SHISA9: variants seen among roughly 807,000 people sequenced by gnomAD.
SHISA9 encodes the protein shisa family member 9.
Under a neutral mutation model 38.0 loss-of-function variants are expected in SHISA9, and 13 were observed. The observed-to-expected ratio is 0.34, with a 90% CI of 0.22 to 0.54. The LOEUF (loss-of-function observed/expected upper bound fraction) is 0.54. SHISA9 is among the 20% of genes least tolerant of loss of function. The pLI is 0.91. For missense variants in SHISA9, 538 were observed against 575.8 expected (o/e 0.93, Z 0.67); for synonymous variants, 275 against 242.0 (o/e 1.14, Z -1.27).
At chr16:13,366,273 C>G in the SHISA9 span, among the ~76,000 whole-genome samples, 1 of 152,208 alleles carries the variant, frequency 6.6e-6, no homozygotes, top group African/African-American at 2.4e-5. Flanking sequence ...TTGGTCTACT[C>G]ATTTTCTTGT....
chr16:13,245,158 C>G (rs146955402), downstream of SHISA9, among the ~76,000 whole-genome samples: 781 of 152,336 alleles, frequency 5.1e-3, 4 homozygotes, highest in Non-Finnish European at 7.8e-3. Context: ...CTCAAGCAAT[C>G]TGCCCACCTC....
intron 2 of SHISA9, among the ~76,000 whole-genome samples, chr16:13,171,204 G>C (rs901817492): frequency 6.6e-6 from 1 of 152,110 alleles, no homozygotes; most frequent in Non-Finnish European, 1.5e-5. Context: ...AACTCATTAA[G>C]GTGGTGGAGA....
At chr16:13,423,933 C>T in the SHISA9 span, among the ~76,000 whole-genome samples, 1 of 152,222 alleles carries the variant, frequency 6.6e-6, no homozygotes, top group Non-Finnish European at 1.5e-5. Context: ...GAGTTCTCTT[C>T]ATTCTTCTAC....
At chr16:13,262,651 A>AGGAT in the SHISA9 span, among the ~76,000 whole-genome samples, 1 of 78,606 alleles carries the variant, frequency 1.3e-5, no homozygotes, top group Non-Finnish European at 2.6e-5. Flanking sequence ...GAAGGAAGGA[A>AGGAT]GGAAGGAAGG....
At chr16:13,139,394 T>TTTCCTTCCTTCCTTCCTACC (rs2050378902) in intron 2 of SHISA9, among the ~76,000 whole-genome samples, 2 of 94,992 alleles carry the variant, frequency 2.1e-5, no homozygotes, top group Admixed American at 2.3e-4. Context: ...CCCTTCCTTC[T>TTTCCTTCCTTCCTTCCTACC]TTCCTTCCTT....
intron 1 of SHISA9, among the ~76,000 whole-genome samples, chr16:12,915,822 A>G (rs2071246179): frequency 6.6e-6 from 1 of 152,206 alleles, no homozygotes; most frequent in African/African-American, 2.4e-5. Flanking sequence ...AAAGACACAC[A>G]CATATACAAC....
chr16:13,279,319 T>C, the SHISA9 span, among the ~76,000 whole-genome samples: 76 of 152,110 alleles, frequency 5.0e-4, no homozygotes, highest in Middle Eastern at 3.4e-3. Context: ...TCATATGGTC[T>C]ATATTGGAAA....
At chr16:13,116,888 G>A (rs1337153662) in intron 2 of SHISA9, among the ~76,000 whole-genome samples, 4 of 152,126 alleles carry the variant, frequency 2.6e-5, no homozygotes, top group Non-Finnish European at 4.4e-5. Context: ...TATAGGTTAG[G>A]GCCTTTACAT....
chr16:12,911,924 AAAAACCAC>A (rs1222142381), intron 1 of SHISA9, among the ~76,000 whole-genome samples: 1 of 152,234 alleles, frequency 6.6e-6, no homozygotes, highest in Admixed American at 6.5e-5. Flanking sequence ...TTTCAATGTC[AAAAACCAC>A]AATTACTTTT....
At chr16:13,292,431 C>T in the SHISA9 span, among the ~76,000 whole-genome samples, 1 of 152,112 alleles carries the variant, frequency 6.6e-6, no homozygotes, top group African/African-American at 2.4e-5. Context: ...TTTTTCTGAT[C>T]CTTTTACTTA....
chr16:13,196,396 C>CAAA lies in SHISA9; in HGVS notation c.692-6986_692-6984dup, dbSNP rs372256944. On this transcript the variant is annotated intron_variant, in intron 2 of 4. Coordinates refer to ENST00000558583, the MANE Select transcript of SHISA9 (RefSeq NM_001145204.3). ...TGGGCGACAGAGCGAGACTCCGTCT[C>CAAA]AAAAAAAAAAAAAAGAAAGAAAAAA... Among the ~76,000 whole-genome samples, 241 of 101,384 alleles carry CAAA rather than the reference C, an allele frequency of 2.4e-3. 1 individual carries two copies. Among genetic ancestry groups the CAAA allele is most frequent in the African/African-American group, 8.7e-3 (221 of 25,548 alleles). 66.5% of individuals were successfully genotyped at this position (101,384 alleles called of 152,430 possible). A position where few individuals can be genotyped will look rare whatever the true frequency, so the allele number is the denominator to read the frequency against.
intron 1 of SHISA9, chr16:12,908,454 T>G: frequency 6.4e-7 from 1 of 1,551,502 alleles, no homozygotes; most frequent in Admixed American, 2.0e-5. Flanking sequence ...CTCGTTTAAT[T>G]TCATACCCTT....
At chr16:13,436,954 C>T in the SHISA9 span, among the ~76,000 whole-genome samples, 1 of 152,166 alleles carries the variant, frequency 6.6e-6, no homozygotes, top group Non-Finnish European at 1.5e-5. Context: ...TAAATGGGGG[C>T]AGGCAAGAGA....
chr16:13,320,015 G>A, the SHISA9 span, among the ~76,000 whole-genome samples: 16 of 151,506 alleles, frequency 1.1e-4, no homozygotes, highest in African/African-American at 3.6e-4. Flanking sequence ...CAAAACAGCC[G>A]GGCACGGTGG....
At chr16:13,265,056 A>C in the SHISA9 span, among the ~76,000 whole-genome samples, 558 of 16,424 alleles carry the variant, frequency 0.034, no homozygotes, top group Admixed American at 0.044. Context: ...CCTCCCTTCC[A>C]CCCCCTTCCC....
intron 1 of SHISA9, among the ~76,000 whole-genome samples, chr16:12,906,376 G>C (rs1010034556): frequency 6.6e-6 from 1 of 152,174 alleles, no homozygotes; most frequent in Non-Finnish European, 1.5e-5. Context: ...CAGTTTGCAG[G>C]TTCAGAGTCC....
the SHISA9 span, among the ~76,000 whole-genome samples, chr16:13,400,654 G>C: frequency 6.6e-6 from 1 of 152,148 alleles, no homozygotes; most frequent in Admixed American, 6.5e-5. Flanking sequence ...ATGTTGTCTC[G>C]ATCAGAGGAC....
intron 2 of SHISA9, among the ~76,000 whole-genome samples, chr16:13,004,836 G>A (rs887221278): frequency 6.6e-6 from 1 of 151,730 alleles, no homozygotes; most frequent in African/African-American, 2.4e-5. Flanking sequence ...GGAGGCTGAG[G>A]CAGGAGAATC....
intron 2 of SHISA9, among the ~76,000 whole-genome samples, chr16:12,991,403 G>A (rs1373293648): frequency 6.6e-6 from 1 of 152,104 alleles, no homozygotes; most frequent in Non-Finnish European, 1.5e-5. Flanking sequence ...GTCAGATATA[G>A]AGAGGTCATT....
Sources: allele counts gnomAD v4.1 joint callset (sites outside exome capture counted in the v4.1 genomes callset), GRCh38; gene constraint gnomAD v4.1.1; transcripts MANE v1.5; gene names NCBI Gene and HGNC (gene_info 2026-07-23, HGNC 2026-07-21).